Variants in CHD4 observed in about 807,000 individuals in gnomAD.
The protein encoded by CHD4 is ATP-dependent chromatin remodeler CHD4.
A neutral mutation model predicts 235.5 loss-of-function variants in CHD4; 35 were observed. The observed-to-expected ratio is 0.15, with a 90% CI of 0.11 to 0.20. The LOEUF (loss-of-function observed/expected upper bound fraction) is 0.20. Ranked by LOEUF, CHD4 falls within the 10% of genes least tolerant of loss-of-function variation. CHD4 has a pLI of 1.00. For missense variants in CHD4, 1,329 were observed against 2,432.3 expected (o/e 0.55, Z 9.54); for synonymous variants, 900 against 850.2 (o/e 1.06, Z -1.02).
In CHD4 at chr12:6,593,264, T is replaced by C; in HGVS notation, c.2515-36A>G. 6.2e-7 allele frequency: 1 copy of C among 1,613,458 alleles called. No individual in the cohort carries two copies. The highest frequency in any genetic ancestry group is 8.5e-7 in the Non-Finnish European group (1 of 1,179,732). Reference sequence around the variant, plus strand: ...AGGCAACTTGGTCACTACTAGTCAGTTCCTCTGTGTAAGCACAACCAGGAG... The same window carrying C: ...AGGCAACTTGGTCACTACTAGTCAGCTCCTCTGTGTAAGCACAACCAGGAG... On this transcript the variant is annotated intron_variant, in intron 16 of 39. Transcript: ENST00000544040. This position sits in a 1 kb window ranked among gnomAD's most constrained non-coding sequence, Gnocchi z 4.9.
At position 6,601,535 on chromosome 12, in the gene CHD4, T is replaced by A. The variant is rs763716407; in HGVS notation, c.558-5A>T. 6.2e-7 allele frequency: 1 copy of A among 1,614,012 alleles called. No individual in the cohort carries two copies. Among genetic ancestry groups the A allele is most frequent in the East Asian group, 2.2e-5 (1 of 44,868 alleles). ...TTTTTGGCAGCAATGAGGGGTCTGG[T>A]GGAGAAATGCACAAGAGCAGAGGGA... On this transcript the variant is annotated splice_region_variant and splice_polypyrimidine_tract_variant and intron_variant, in intron 5 of 39. Coordinates refer to ENST00000544040, the MANE Select transcript of CHD4 (RefSeq NM_001273.5).
intron 21 of CHD4, 44 bp downstream of exon 21, chr12:6,591,650 G>A (rs200373551): frequency 1.2e-6 from 2 of 1,613,808 alleles, no homozygotes; most frequent in African/African-American, 2.7e-5. Context: ...GGTCACTAAG[G>A]GTTGTCTATG....
chr12:6,601,978 A>ATCCTCC lies in CHD4; in HGVS notation c.414_419dup (p.Glu138_Glu139dup). 6.6e-7 allele frequency: 1 copy of ATCCTCC among 1,506,512 alleles called. No individual in the cohort carries two copies. Among genetic ancestry groups the ATCCTCC allele is most frequent in the Non-Finnish European group, 9.1e-7 (1 of 1,099,816 alleles). 93.3% of individuals were successfully genotyped at this position (1,506,512 alleles called of 1,614,324 possible). ...CAGGCACCTTTGAATCATCATCATC[A>ATCCTCC]TCCTCCTCCTCCTCCTCCTCCTTCC... On this transcript the variant is annotated inframe_insertion, in exon 4 of 40. Transcript: ENST00000544040.
chr12:6,581,021 A>C, intron 33 of CHD4, 23 bp downstream of exon 33: 1 of 1,586,182 alleles, frequency 6.3e-7, no homozygotes. Context: ...ACAAACAAAC[A>C]AAAAAAATGT....
chr12:6,604,027 C>T (rs1948645408), intron 2 of CHD4, among the ~76,000 whole-genome samples: 1 of 152,156 alleles, frequency 6.6e-6, no homozygotes, highest in Non-Finnish European at 1.5e-5. Flanking sequence ...CCTGTAATCG[C>T]AGCACTCTGG....
chr12:6,596,568 G>A (rs1331493458), intron 12 of CHD4, among the ~76,000 whole-genome samples: 3 of 152,146 alleles, frequency 2.0e-5, no homozygotes, highest in African/African-American at 7.2e-5. Flanking sequence ...GGGAGGCCAA[G>A]GCAGGCGGAT....
intron 35 of CHD4, 125 bp downstream of exon 35, chr12:6,578,280 CCACT>C: frequency 7.3e-7 from 1 of 1,377,228 alleles, no homozygotes; most frequent in Non-Finnish European, 1.0e-6. Flanking sequence ...TCCACAGAAC[CCACT>C]ATCAGTTTGG....
chr12:6,577,672 T>C (rs866746696), intron 37 of CHD4, 113 bp downstream of exon 37: 5 of 1,411,136 alleles, frequency 3.5e-6, no homozygotes, highest in African/African-American at 2.8e-5. Flanking sequence ...AAGCCTTCCA[T>C]AGAATGAAGA....
chr12:6,574,285 G>A (rs1948031380), intron 37 of CHD4, among the ~76,000 whole-genome samples: 1 of 151,956 alleles, frequency 6.6e-6, no homozygotes, highest in Non-Finnish European at 1.5e-5. Context: ...CATGAATTTT[G>A]TTGCTTCTGT....
chr12:6,575,175 C>T (rs1948047054), intron 37 of CHD4, among the ~76,000 whole-genome samples: 1 of 152,170 alleles, frequency 6.6e-6, no homozygotes, highest in Non-Finnish European at 1.5e-5. Flanking sequence ...TGGTTGGGTG[C>T]AGTGGCTCAC....
chr12:6,589,779 AG>A (rs1166054312), intron 22 of CHD4, among the ~76,000 whole-genome samples: 1 of 151,772 alleles, frequency 6.6e-6, no homozygotes, highest in African/African-American at 2.4e-5. Context: ...AAAAAAAAAA[AG>A]AAAAGGACAC....
intron 2 of CHD4, among the ~76,000 whole-genome samples, chr12:6,605,872 T>C (rs1031172142): frequency 6.6e-6 from 1 of 152,010 alleles, no homozygotes; most frequent in Non-Finnish European, 1.5e-5. Context: ...AACCACAGGA[T>C]CCTACTAGCA....
intron 33 of CHD4, among the ~76,000 whole-genome samples, chr12:6,580,055 C>CAA (rs766330469): frequency 4.2e-4 from 29 of 68,904 alleles, no homozygotes; most frequent in Admixed American, 6.7e-4. Flanking sequence ...GACTCCGTCT[C>CAA]AAAAAAAAAA....
At position 6,578,721 on chromosome 12, in the gene CHD4, G is replaced by C. The variant is rs779472833; in HGVS notation, c.4981+125C>G. 9 of 1,346,056 alleles carry C rather than the reference G, an allele frequency of 6.7e-6. No homozygotes were observed. In the Admixed American group the frequency reaches 1.5e-4, roughly 22 times the overall value. 83.4% of individuals were successfully genotyped at this position (1,346,056 alleles called of 1,614,324 possible). ...CCACTGACAACTAAATGTGGGGACA[G>C]GTACAGTCTTTTATCTTGGGATAAA... On this transcript the variant is annotated intron_variant, in intron 34 of 39. Coordinates refer to ENST00000544040, the MANE Select transcript of CHD4 (RefSeq NM_001273.5).
intron 6 of CHD4, 113 bp downstream of exon 6, chr12:6,601,176 C>T (rs892510243): frequency 1.3e-6 from 2 of 1,531,828 alleles, no homozygotes; most frequent in Admixed American, 2.0e-5. Context: ...ATCCAAGACT[C>T]ATTCCTCCCT....
At position 6,588,411 on chromosome 12, in the gene CHD4, G is replaced by C; in HGVS notation, c.3352C>G (p.Gln1118Glu). 1 of 1,614,058 alleles carries C rather than the reference G, an allele frequency of 6.2e-7. No individual in the cohort carries two copies. The highest frequency in any genetic ancestry group is 8.5e-7 in the Non-Finnish European group (1 of 1,179,984). The change falls in exon 23 of 40, where the codon CAG becomes GAG. Residue 1118 changes from glutamine to glutamate, a missense_variant. Physicochemically the swap from Gln to Glu is conservative, Grantham distance 29. Around this residue, in one of 26 missense-constraint regions of CHD4, gnomAD observed 12 missense variants for 23.3 expected, o/e 0.52. Coordinates refer to ENST00000544040, the MANE Select transcript of CHD4 (RefSeq NM_001273.5). ...AIDRFNAPGA[Q>E]QFCFLLSTRA... ...GTGGAAAGCAAGAAGCAGAACTGCT[G>C]AGCACCCGGTGCTAATAAAAGAACC... is the stretch of plus-strand genomic sequence containing the variant.
Position 6,602,396 on chromosome 12 carries a change from T to C in CHD4, c.202A>G (p.Ser68Gly), listed in dbSNP as rs1420802708. 6.2e-7 allele frequency: 1 copy of C among 1,613,938 alleles called. No homozygotes were observed. Among genetic ancestry groups the C allele is most frequent in the East Asian group, 2.2e-5 (1 of 44,884 alleles). ...KKPRDPKIPK[S>G]KRQKKERMLL... Reference sequence around the variant, plus strand: ...CTCACCTCCTTTTTTTGGCGCTTGCTCTTAGGGATTTTAGGGTCCCGAGGT... The same window carrying C: ...CTCACCTCCTTTTTTTGGCGCTTGCCCTTAGGGATTTTAGGGTCCCGAGGT... The change falls in exon 3 of 40, where the codon AGC becomes GGC. Residue 68 changes from serine (S) to glycine (G), a missense_variant. Ser to Gly is a moderately conservative substitution (Grantham distance 56). Coordinates refer to ENST00000544040, the MANE Select transcript of CHD4 (RefSeq NM_001273.5).
intron 25 of CHD4, among the ~76,000 whole-genome samples, chr12:6,586,007 G>A (rs1348321721): frequency 1.3e-5 from 2 of 151,312 alleles, no homozygotes; most frequent in Admixed American, 1.3e-4. Flanking sequence ...GGCTGAGGCA[G>A]GAGAATTGCT....
At chr12:6,575,449 C>CAAA (rs201602922) in intron 37 of CHD4, among the ~76,000 whole-genome samples, 14 of 58,502 alleles carry the variant, frequency 2.4e-4, no homozygotes, top group African/African-American at 3.1e-4. Context: ...GACTTTGTCT[C>CAAA]AAAAAAAAAA....
Sources: gnomAD v4.1 joint callset for allele counts (sites outside exome capture counted in the v4.1 genomes callset) on GRCh38, gnomAD v4.1.1 for gene constraint, gnomAD v4.1.1 regional missense constraint, Gnocchi (gnomAD v3.1) non-coding constraint, MANE v1.5 for transcripts, NCBI Gene and HGNC (gene_info 2026-07-23, HGNC 2026-07-21) for gene names.